Variants in UBXN2B observed in about 807,000 individuals in gnomAD.
UBXN2B encodes UBX domain protein 2B.
UBXN2B carries 19 observed loss-of-function variants against 37.5 expected under a neutral mutation model. The ratio of observed to expected loss-of-function variants is 0.51; its 90% CI spans 0.35 to 0.74. The LOEUF (loss-of-function observed/expected upper bound fraction) is 0.74. UBXN2B is among the 30% of genes least tolerant of loss of function. UBXN2B has a pLI of 0.01. For synonymous variants in UBXN2B, 145 were observed against 143.8 expected (o/e 1.01, Z -0.06); for missense variants, 370 against 393.2 (o/e 0.94, Z 0.50).
intron 6 of UBXN2B, among the ~76,000 whole-genome samples, chr8:58,443,635 A>G (rs1296974579): frequency 7.1e-6 from 1 of 140,040 alleles, no homozygotes; most frequent in Non-Finnish European, 1.6e-5. Flanking sequence ...TCTACTAAAA[A>G]TCCAAAAAAA....
Position 58,445,952 on chromosome 8 carries a change from G to A in UBXN2B, c.717G>A (p.Glu239=). 6.2e-7 allele frequency: 1 copy of A among 1,612,188 alleles called. No homozygotes were observed. Among genetic ancestry groups the A allele is most frequent in the East Asian group, 2.2e-5 (1 of 44,700 alleles). ...IVSTPSSPEE[E]DKSILNAVVL... ...GTACACCTTCCTCTCCAGAAGAGGAGGATAAATCAATACTTAATGCAGTTG... is the reference window on the plus strand; with the variant it reads ...GTACACCTTCCTCTCCAGAAGAGGAAGATAAATCAATACTTAATGCAGTTG... The change falls in exon 7 of 8, where the codon GAG becomes GAA. Residue 239 remains glutamate, a synonymous_variant. Transcript: ENST00000399598.
intron 2 of UBXN2B, 124 bp downstream of exon 2, chr8:58,417,077 C>A: frequency 4.2e-6 from 3 of 722,430 alleles, no homozygotes; most frequent in Non-Finnish European, 6.2e-6. Context: ...ATTATTATTC[C>A]AAGATCGAGG....
At chr8:58,412,602 G>GGGATAGGAAGCTAT (rs2129603545) in intron 1 of UBXN2B, among the ~76,000 whole-genome samples, 1 of 152,306 alleles carries the variant, frequency 6.6e-6, no homozygotes, top group South Asian at 2.1e-4. Flanking sequence ...ACAGTATCAA[G>GGGATAGGAAGCTAT]GGATAGGAAG....
At chr8:58,426,116 T>C in intron 2 of UBXN2B, 1 of 1,332,806 alleles carries the variant, frequency 7.5e-7, no homozygotes, top group East Asian at 2.3e-5. Flanking sequence ...TTGCCCGTGA[T>C]GTTCTGTGTA....
intron 2 of UBXN2B, chr8:58,425,638 T>C: frequency 8.9e-7 from 1 of 1,127,978 alleles, no homozygotes; most frequent in Non-Finnish European, 1.3e-6. Flanking sequence ...CGAAAAGCCT[T>C]GTTTGACTTT....
chr8:58,432,776 G>A (rs184946360), intron 3 of UBXN2B, among the ~76,000 whole-genome samples: 29 of 152,182 alleles, frequency 1.9e-4, no homozygotes, highest in Admixed American at 1.8e-3. Context: ...CTTACAAGTA[G>A]CATTTCTCAA....
intron 2 of UBXN2B, chr8:58,425,440 A>C: frequency 1.8e-6 from 2 of 1,135,934 alleles, no homozygotes; most frequent in Non-Finnish European, 2.7e-6. Context: ...AAATTTGGGC[A>C]TGATGATATT....
intron 5 of UBXN2B, 111 bp downstream of exon 5, chr8:58,434,615 T>C (rs1808367206): frequency 2.1e-6 from 2 of 971,038 alleles, no homozygotes; most frequent in Non-Finnish European, 2.9e-6. Context: ...TCCTGGAATA[T>C]ATTAAATAAA....
chr8:58,432,978 A>G (rs1426962245), intron 3 of UBXN2B, among the ~76,000 whole-genome samples, 182 bp from the exon 4 acceptor site: 1 of 152,210 alleles, frequency 6.6e-6, no homozygotes, highest in Non-Finnish European at 1.5e-5. Flanking sequence ...TCATTTCATT[A>G]TTCGTCAATG....
intron 6 of UBXN2B, among the ~76,000 whole-genome samples, chr8:58,443,293 G>A (rs551833357): frequency 6.6e-6 from 1 of 152,230 alleles, no homozygotes; most frequent in Admixed American, 6.5e-5. Flanking sequence ...GAAGAAGAGG[G>A]TGTTTCTCCT....
At chr8:58,425,895 C>G in intron 2 of UBXN2B, 4 of 1,195,822 alleles carry the variant, frequency 3.3e-6, no homozygotes, top group Admixed American at 1.7e-5. Flanking sequence ...TTGTTCTCCC[C>G]TTTGTCATCA....
At chr8:58,441,321 T>C (rs2129604560) in intron 6 of UBXN2B, among the ~76,000 whole-genome samples, 1 of 108,968 alleles carries the variant, frequency 9.2e-6, no homozygotes, top group Non-Finnish European at 1.9e-5. Context: ...TATAATATTA[T>C]GTTTTTACTC....
At chr8:58,425,655 G>A (rs1469593131) in intron 2 of UBXN2B, 5 of 1,145,538 alleles carry the variant, frequency 4.4e-6, no homozygotes, top group Non-Finnish European at 6.6e-6. Context: ...CTTTATTGTG[G>A]TCTCAGCTAA....
At chr8:58,416,640 A>G (rs996069680) in intron 1 of UBXN2B, among the ~76,000 whole-genome samples, 1 of 152,196 alleles carries the variant, frequency 6.6e-6, no homozygotes, top group Admixed American at 6.5e-5. Context: ...TTATAACTTA[A>G]AGTTATTCTA....
chr8:58,439,547 G>A (rs1442318961), intron 5 of UBXN2B, 86 bp from the exon 6 acceptor site: 1 of 1,464,330 alleles, frequency 6.8e-7, no homozygotes, highest in African/African-American at 1.4e-5. Flanking sequence ...TTCCAGTGTA[G>A]CTCATGAAAT....
Position 58,449,092 on chromosome 8 carries a change from C to G in UBXN2B, c.*1541C>G, listed in dbSNP as rs1808748575. The G allele has an allele frequency of 6.6e-6, 1 of 152,192 alleles. No individual in the cohort carries two copies. The highest frequency in any genetic ancestry group is 2.1e-4 in the South Asian group (1 of 4,830). The allele number at this position is 152,192 out of a possible 1,614,324, so 9.4% of individuals were successfully genotyped here. The stretch of plus-strand genomic sequence containing the variant: ...ATGACCCTTCTGTTACCACATCTCT[C>G]TGACACCAGTGTGGAGAGGTTCTCT... On this transcript the variant is annotated 3_prime_UTR_variant, in exon 8 of 8. Coordinates refer to ENST00000399598, the MANE Select transcript of UBXN2B (RefSeq NM_001077619.2).
intron 3 of UBXN2B, 131 bp downstream of exon 3, chr8:58,430,800 A>G: frequency 1.3e-6 from 1 of 748,028 alleles, no homozygotes; most frequent in Non-Finnish European, 1.9e-6. Context: ...TTTTTATAAA[A>G]TTATAATATT....
chr8:58,432,875 G>T (rs1359996239), intron 3 of UBXN2B, among the ~76,000 whole-genome samples: 2 of 152,008 alleles, frequency 1.3e-5, no homozygotes, highest in Non-Finnish European at 2.9e-5. Context: ...TTTGGGATAT[G>T]CCTAGAAACG....
rs1238907863 is a variant in UBXN2B, at chr8:58,445,848, G to A, written c.672-59G>A. 9 of 1,432,684 alleles carry A rather than the reference G, an allele frequency of 6.3e-6. No individual in the cohort carries two copies. The South Asian group carries it at 7.4e-5, about 12-fold the overall frequency. 88.7% of individuals were successfully genotyped at this position (1,432,684 alleles called of 1,614,324 possible). A position where few individuals can be genotyped will look rare whatever the true frequency, so the allele number is the denominator to read the frequency against. ...AGCCATGTTCTAAGTGTTTATCGCTGTCTTCAGTTTGTCATATATTTTACA... is the reference window on the plus strand; with the variant it reads ...AGCCATGTTCTAAGTGTTTATCGCTATCTTCAGTTTGTCATATATTTTACA... On this transcript the variant is annotated intron_variant, in intron 6 of 7. Transcript: ENST00000399598.
Sources: gnomAD v4.1 joint callset for allele counts (sites outside exome capture counted in the v4.1 genomes callset) on GRCh38, gnomAD v4.1.1 for gene constraint, MANE v1.5 for transcripts, NCBI Gene and HGNC (gene_info 2026-07-23, HGNC 2026-07-21) for gene names.